Variants in SNX12 observed in about 807,000 individuals in gnomAD.
SNX12 encodes sorting nexin-12.
For synonymous variants in SNX12, 47 were observed against 56.0 expected (o/e 0.84, Z 0.71); for missense variants, 62 against 141.3 (o/e 0.44, Z 2.84).
upstream of SNX12, among the ~76,000 whole-genome samples, chrX:71,073,075 A>ACACAC (rs2092178127): frequency 3.8e-5 from 3 of 79,367 alleles, no homozygotes; most frequent in Non-Finnish European, 7.4e-5. Context: ...CACACACACA[A>ACACAC]AGAGTAGCTG....
At chrX:71,072,933 A>T (rs1296713214), upstream of SNX12, among the ~76,000 whole-genome samples, 1 of 109,014 alleles carries the variant, frequency 9.2e-6, no homozygotes, top group Non-Finnish European at 1.9e-5. Flanking sequence ...ACACACACAC[A>T]CAGAGCACCC....
At position 71,062,879 on chromosome X, in the gene SNX12, T is replaced by C; in HGVS notation, c.236A>G (p.Lys79Arg). 2 of 1,207,818 alleles carry C rather than the reference T, an allele frequency of 1.7e-6. No homozygotes were observed. The highest frequency in any genetic ancestry group is 2.2e-6 in the Non-Finnish European group (2 of 892,172). The change falls in exon 2 of 4, where the codon AAA (lysine) becomes AGA (arginine). Residue 79 changes from lysine (K) to arginine (R), a missense_variant. Lys to Arg is a conservative substitution (Grantham distance 26, BLOSUM62 2). Coordinates refer to ENST00000374274, the MANE Select transcript of SNX12 (RefSeq NM_013346.4). ...RRRYSDFEWL[K>R]NELERDSKIV... ...CTTGCTATCTCTCTCCAGCTCATTT[T>C]TCAGCCACTCAAAGTCACTGTAGCG...
chrX:71,062,223 C>T (rs1053419014), intron 2 of SNX12, among the ~76,000 whole-genome samples: 1 of 110,850 alleles, frequency 9.0e-6, no homozygotes, highest in Admixed American at 9.6e-5. Flanking sequence ...CTTAACAAGC[C>T]ACTACCATTC....
At position 71,059,331 on chromosome X, in the gene SNX12, G is replaced by A. The variant is rs751344181; in HGVS notation, c.*1685C>T. The A allele has an allele frequency of 1.2e-4, 14 of 112,003 alleles. No individual in the cohort carries two copies. Among genetic ancestry groups the A allele is most frequent in the African/African-American group, 3.9e-4 (12 of 30,843 alleles). 9.2% of individuals were successfully genotyped at this position (112,003 alleles called of 1,213,427 possible). A position where few individuals can be genotyped will look rare whatever the true frequency, so the allele number is the denominator to read the frequency against. ...GAACAGTTTGCTGAATAAAAGCCCC[G>A]AGTCAGGATATATATACACAGCAGA... is the stretch of plus-strand genomic sequence containing the variant. On this transcript the variant is annotated 3_prime_UTR_variant, in exon 4 of 4. Transcript: ENST00000374274.
At chrX:71,068,433 G>A, upstream of SNX12, 1 of 536,571 alleles carries the variant, frequency 1.9e-6, no homozygotes, top group East Asian at 4.2e-5. Context: ...GCGCGCACGC[G>A]CGCCCACGCA....
chrX:71,062,297 T>C (rs1300666461), intron 2 of SNX12, among the ~76,000 whole-genome samples: 1 of 110,882 alleles, frequency 9.0e-6, no homozygotes, highest in African/African-American at 3.3e-5. Context: ...AGGAATTAAG[T>C]TGTACAACTT....
upstream of SNX12, among the ~76,000 whole-genome samples, chrX:71,071,144 G>A (rs2092170286): frequency 9.2e-6 from 1 of 108,233 alleles, no homozygotes; most frequent in African/African-American, 3.3e-5. Context: ...TTATAAAGGG[G>A]TAGTGGATTT....
At chrX:71,070,340 A>G (rs2092168652), upstream of SNX12, among the ~76,000 whole-genome samples, 1 of 112,013 alleles carries the variant, frequency 8.9e-6, no homozygotes, top group Non-Finnish European at 1.9e-5. Flanking sequence ...TGATGGTGAC[A>G]ATGGAGAGGA....
chrX:71,062,814 C>A, intron 2 of SNX12, 40 bp downstream of exon 2: 2 of 962,001 alleles, frequency 2.1e-6, no homozygotes, highest in Non-Finnish European at 3.0e-6. Context: ...CTATGCAGAG[C>A]TCCTCCTCCA....
chrX:71,062,368 CTTT>C (rs761195647), intron 2 of SNX12, among the ~76,000 whole-genome samples: 6 of 71,367 alleles, frequency 8.4e-5, no homozygotes, highest in Admixed American at 4.8e-4. Flanking sequence ...TTACCACTTT[CTTT>C]TTTTTTTTTT....
upstream of SNX12, chrX:71,068,451 G>A (rs2092163549): frequency 4.7e-6 from 2 of 423,510 alleles, no homozygotes; most frequent in Non-Finnish European, 7.6e-6. Flanking sequence ...GCACGCACGC[G>A]CACGCCGCAC....
intron 2 of SNX12, 94 bp from the exon 3 acceptor site, chrX:71,062,061 A>G: frequency 6.9e-6 from 6 of 874,537 alleles, no homozygotes; most frequent in Non-Finnish European, 9.5e-6. Context: ...TATTAGGCAT[A>G]GGGTCCATCC....
rs144068848 is a variant in SNX12, at chrX:71,061,067, C to T, written c.438G>A (p.Leu146=). ...AGTTCCTGTCAATTGCCTCCTCTTG[C>T]AGGAACATGTGTAGGCAGCGTTCAT... The part of the protein sequence containing the change: ...AQNERCLHMF[L]QEEAIDRNYV... Residue 146 remains leucine (L), a synonymous_variant, in exon 4 of 4, where the codon CTG becomes CTA. Coordinates refer to ENST00000374274, the MANE Select transcript of SNX12 (RefSeq NM_013346.4). 2 of 1,210,673 alleles carry T rather than the reference C, an allele frequency of 1.7e-6. No individual in the cohort carries two copies. Among genetic ancestry groups the T allele is most frequent in the Admixed American group, 2.2e-5 (1 of 45,986 alleles).
Position 71,064,684 on chromosome X carries a change from C to T in SNX12, c.166-1735G>A, listed in dbSNP as rs149905040. 6.1e-3 allele frequency among the ~76,000 whole-genome samples: 685 copies of T among 112,952 alleles called. 4 individuals carry two copies. Among genetic ancestry groups the T allele is most frequent in the African/African-American group, 0.014 (450 of 31,153 alleles). On this transcript the variant is annotated intron_variant, in intron 1 of 3. Transcript: ENST00000374274. ...GCAACACGAATCCCCTGACAGAAAA[C>T]CCTGATCTTCACTCCTGTCTACAAG...
At chrX:71,068,061 G>T in intron 1 of SNX12, 81 bp downstream of exon 1, 31 of 856,667 alleles carry the variant, frequency 3.6e-5, no homozygotes, top group South Asian at 5.7e-5. Flanking sequence ...GCCGTTAGTT[G>T]CCCCCGCGGT....
upstream of SNX12, among the ~76,000 whole-genome samples, chrX:71,071,597 A>ATATATTATATATATAAATATAATAAT (rs1569477479): frequency 4.1e-5 from 2 of 49,116 alleles, no homozygotes; most frequent in African/African-American, 1.8e-4. Context: ...TATAATATTT[A>ATATATTATATATATAAATATAATAAT]TATATATTAT....
upstream of SNX12, among the ~76,000 whole-genome samples, chrX:71,071,544 T>TTA (rs1442524655): frequency 8.2e-5 from 3 of 36,697 alleles, no homozygotes; most frequent in Non-Finnish European, 8.1e-5. Context: ...TTTATATATA[T>TTA]TATATATAAA....
At chrX:71,064,535 T>C (rs1179485410) in intron 1 of SNX12, among the ~76,000 whole-genome samples, 1 of 112,617 alleles carries the variant, frequency 8.9e-6, no homozygotes, top group Non-Finnish European at 1.9e-5. Context: ...GTTTATCCTC[T>C]CCTCATCTAG....
chrX:71,069,784 T>C (rs772161304), upstream of SNX12, among the ~76,000 whole-genome samples: 1 of 110,480 alleles, frequency 9.1e-6, no homozygotes, highest in Non-Finnish European at 1.9e-5. Flanking sequence ...CTATTAAAAA[T>C]ACAAAAATTA....
Sources: allele counts gnomAD v4.1 joint callset (sites outside exome capture counted in the v4.1 genomes callset), GRCh38; gene constraint gnomAD v4.1.1; transcripts MANE v1.5; gene names NCBI Gene and HGNC (gene_info 2026-07-23, HGNC 2026-07-21).